Variants in PCDHGB3 observed in about 807,000 individuals in gnomAD.
The protein encoded by PCDHGB3 is protocadherin gamma-B3.
A neutral mutation model predicts 59.2 loss-of-function variants in PCDHGB3; 40 were observed. The ratio of observed to expected loss-of-function variants is 0.68; its 90% CI spans 0.52 to 0.88. The LOEUF (loss-of-function observed/expected upper bound fraction) is 0.88. Ranked by LOEUF, PCDHGB3 falls within the 40% of genes least tolerant of loss-of-function variation. The probability of loss-of-function intolerance (pLI) is 0.00; values close to 1 mark genes in which losing one functional copy is unlikely to be tolerated. For missense variants in PCDHGB3, 1,309 were observed against 1,187.9 expected (o/e 1.10, Z -1.50); for synonymous variants, 581 against 503.6 (o/e 1.15, Z -2.06).
In PCDHGB3 at chr5:141,384,899, G is replaced by A; in HGVS notation, c.2415+12090G>A. On this transcript the variant is annotated intron_variant, in intron 1 of 3. Transcript: ENST00000576222. ...ACACTCACCGTGGCTGTGGCTGACA[G>A]CATCCCCGAAGTCTTGGCCGACCTG... The A allele has an allele frequency of 1.9e-6, 3 of 1,613,894 alleles. No homozygotes were observed. In the East Asian group the frequency reaches 6.7e-5, roughly 36 times the overall value.
rs1303365585 is a variant in PCDHGB3 at position 141,511,350 on chromosome 5, C to A, written c.*177C>A. 2.1e-5 allele frequency: 30 copies of A among 1,397,076 alleles called. No individual in the cohort carries two copies. Among genetic ancestry groups the A allele is most frequent in the African/African-American group, 1.7e-4 (12 of 68,780 alleles). The allele number at this position is 1,397,076 out of a possible 1,614,324, so 86.5% of individuals were successfully genotyped here. Reference sequence around the variant, plus strand: ...CCCAGTCAGCACCTACCCCTTCCCCCCCAGGGGGTTGAATATGCAAAAGCA... The same window carrying A: ...CCCAGTCAGCACCTACCCCTTCCCCACCAGGGGGTTGAATATGCAAAAGCA... On this transcript the variant is annotated 3_prime_UTR_variant, in exon 4 of 4. Transcript: ENST00000576222.
intron 3 of PCDHGB3, chr5:141,506,988 A>G (rs1364718512): frequency 1.3e-5 from 2 of 152,192 alleles, no homozygotes; most frequent in Non-Finnish European, 2.9e-5. Context: ...CTGATTTCTC[A>G]CACTCGACAG....
intron 1 of PCDHGB3, chr5:141,385,045 C>T (rs769354835): frequency 1.9e-6 from 3 of 1,614,178 alleles, no homozygotes. Flanking sequence ...GGCGCTCAGG[C>T]TGCGGCGCTG....
In PCDHGB3 at chr5:141,418,244, C is replaced by T. The variant is rs746986702; in HGVS notation, c.2415+45435C>T. 1.3e-5 allele frequency: 21 copies of T among 1,613,980 alleles called. No individual in the cohort carries two copies. The South Asian group carries it at 2.2e-4, about 17-fold the overall frequency. ...TGTGGTGATTGAGGATGTTAATGAC[C>T]ACGCCCCTCAATTCCGGAAAGATGA... is the stretch of plus-strand genomic sequence containing the variant. On this transcript the variant is annotated intron_variant, in intron 1 of 3. Transcript: ENST00000576222.
At chr5:141,417,994 G>T (rs369226139) in intron 1 of PCDHGB3, 231 of 1,613,766 alleles carry the variant, frequency 1.4e-4, no homozygotes, top group Non-Finnish European at 1.8e-4. Flanking sequence ...CCAAGGGCTC[G>T]GTGGTGGGGA....
At chr5:141,430,581 C>A in intron 1 of PCDHGB3, 1 of 483,436 alleles carries the variant, frequency 2.1e-6, no homozygotes, top group Non-Finnish European at 3.4e-6. Context: ...GGAGATCCTG[C>A]TCGCCTTGCA....
Position 141,485,666 on chromosome 5 carries a change from A to C in PCDHGB3, c.2416-9141A>C. 1.2e-6 allele frequency: 2 copies of C among 1,612,786 alleles called. No homozygotes were observed. Among genetic ancestry groups the C allele is most frequent in the Non-Finnish European group, 1.7e-6 (2 of 1,178,960 alleles). ...GGCTCAGGATGCAGATGTGGGGAGCAATTCGATTAGCAGCTATAGGCTGAG... is the reference window on the plus strand; with the variant it reads ...GGCTCAGGATGCAGATGTGGGGAGCCATTCGATTAGCAGCTATAGGCTGAG... On this transcript the variant is annotated intron_variant, in intron 1 of 3. Transcript: ENST00000576222. This position sits in a 1 kb window ranked among gnomAD's most constrained non-coding sequence, Gnocchi z 5.7.
intron 1 of PCDHGB3, among the ~76,000 whole-genome samples, chr5:141,386,242 G>A (rs1359369432): frequency 1.3e-5 from 2 of 152,146 alleles, no homozygotes; most frequent in Non-Finnish European, 2.9e-5. Flanking sequence ...AATTCAGTTG[G>A]AAATAACCCA....
chr5:141,438,615 TATATATATATATATATATATAC>T (rs1275224820), intron 1 of PCDHGB3, among the ~76,000 whole-genome samples: 95 of 35,914 alleles, frequency 2.6e-3, no homozygotes, highest in East Asian at 8.4e-3. Flanking sequence ...TATATATATA[TATATATATATATATATATATAC>T]ACACACACAC....
chr5:141,428,388 C>A, intron 1 of PCDHGB3: 1 of 506,160 alleles, frequency 2.0e-6, no homozygotes, highest in African/African-American at 1.9e-5. Flanking sequence ...GCTCTTCCAG[C>A]CCCTCTGCCT....
At chr5:141,423,008 C>A in intron 1 of PCDHGB3, 13 of 1,614,214 alleles carry the variant, frequency 8.1e-6, no homozygotes, top group Non-Finnish European at 1.1e-5. Flanking sequence ...AAGGTGGTTG[C>A]GGTGGACAAA....
In PCDHGB3 at chr5:141,477,428, T is replaced by C; in HGVS notation, c.2416-17379T>C. On this transcript the variant is annotated intron_variant, in intron 1 of 3. Transcript: ENST00000576222. The surrounding 1 kb of genome is among the most constrained non-coding windows in gnomAD (Gnocchi z 4.9). ...CCGAGACGCCGGAACCCCTTCCCTC[T>C]CAGCCCTTACAATAGTGCGTGTTCA... The C allele has an allele frequency of 6.2e-7, 1 of 1,614,142 alleles. No individual in the cohort carries two copies. Among genetic ancestry groups the C allele is most frequent in the Non-Finnish European group, 8.5e-7 (1 of 1,180,036 alleles).
intron 1 of PCDHGB3, chr5:141,424,024 C>T: frequency 9.6e-7 from 1 of 1,045,488 alleles, no homozygotes; most frequent in Non-Finnish European, 1.2e-6. Flanking sequence ...GATTCACAAA[C>T]ACTTTTTATT....
intron 1 of PCDHGB3, chr5:141,383,459 A>G: frequency 6.2e-7 from 1 of 1,613,900 alleles, no homozygotes; most frequent in Non-Finnish European, 8.5e-7. Context: ...AGTGGAGACG[A>G]TGAAACTAAG....
chr5:141,383,202 G>A, intron 1 of PCDHGB3: 1 of 1,614,060 alleles, frequency 6.2e-7, no homozygotes. Flanking sequence ...AGAGTGCGCG[G>A]TGTCTGGTAA....
chr5:141,437,385 C>T (rs543945898), intron 1 of PCDHGB3, among the ~76,000 whole-genome samples: 12 of 152,202 alleles, frequency 7.9e-5, no homozygotes, highest in Non-Finnish European at 1.6e-4. Flanking sequence ...AGAAGACATT[C>T]ATCCACTGCT....
intron 1 of PCDHGB3, chr5:141,374,635 C>A (rs759050511): frequency 3.7e-6 from 6 of 1,612,926 alleles, no homozygotes; most frequent in Non-Finnish European, 4.2e-6. Flanking sequence ...ACGTGCAAAG[C>A]GAAGCCCATG....
At chr5:141,391,561 G>A (rs2092390304) in intron 1 of PCDHGB3, 1 of 152,026 alleles carries the variant, frequency 6.6e-6, no homozygotes, top group Non-Finnish European at 1.5e-5. Context: ...TTTTCCATAT[G>A]CATAAGAAAA....
At chr5:141,425,860 A>G (rs1445251215) in intron 1 of PCDHGB3, among the ~76,000 whole-genome samples, 1 of 152,248 alleles carries the variant, frequency 6.6e-6, no homozygotes, top group Non-Finnish European at 1.5e-5. Context: ...TGACTGTTCT[A>G]TAGATTCCCA....
Sources: gnomAD v4.1 joint callset for allele counts (sites outside exome capture counted in the v4.1 genomes callset) on GRCh38, gnomAD v4.1.1 for gene constraint, Gnocchi (gnomAD v3.1) non-coding constraint, MANE v1.5 for transcripts, NCBI Gene and HGNC (gene_info 2026-07-23, HGNC 2026-07-21) for gene names.